SH3PXD2A: variants seen among roughly 807,000 people sequenced by gnomAD.
SH3PXD2A encodes SH3 and PX domain-containing protein 2A.
A neutral mutation model predicts 115.2 loss-of-function variants in SH3PXD2A; 32 were observed. The observed-to-expected ratio is 0.28, with a 90% CI of 0.21 to 0.37. SH3PXD2A has a LOEUF of 0.37. Ranked by LOEUF, SH3PXD2A falls within the 10% of genes least tolerant of loss-of-function variation. The pLI is 1.00. For missense variants in SH3PXD2A, 1,328 were observed against 1,498.7 expected, an observed-to-expected ratio of 0.89 and a Z score of 1.88; for synonymous variants, 610 against 629.1, an observed-to-expected ratio of 0.97 and a Z score of 0.45.
intron 6 of SH3PXD2A, among the ~76,000 whole-genome samples, 188 bp downstream of exon 6, chr10:103,692,840 G>T (rs1051756411): frequency 6.6e-6 from 1 of 152,190 alleles, no homozygotes; most frequent in Non-Finnish European, 1.5e-5. Context: ...TAGGACCAAG[G>T]GTCTCAGGGG....
chr10:103,827,091 G>T (rs1336562192), intron 1 of SH3PXD2A, among the ~76,000 whole-genome samples: 1 of 152,126 alleles, frequency 6.6e-6, no homozygotes, highest in Admixed American at 6.5e-5. Flanking sequence ...CATTGCAGAT[G>T]ACCACATTGA....
chr10:103,792,374 A>C (rs755422843), intron 2 of SH3PXD2A, among the ~76,000 whole-genome samples: 1 of 152,136 alleles, frequency 6.6e-6, no homozygotes, highest in African/African-American at 2.4e-5. Context: ...TGATGTCTAC[A>C]TTAACGGGGC....
intron 9 of SH3PXD2A, among the ~76,000 whole-genome samples, chr10:103,623,265 AGG>A (rs138518910): frequency 7.0e-6 from 1 of 143,400 alleles, no homozygotes; most frequent in Admixed American, 6.7e-5. Flanking sequence ...ATCTGATGAC[AGG>A]GGCCCCCTCC....
chr10:103,661,618 G>A (rs762391459), intron 7 of SH3PXD2A: 281 of 974,868 alleles, frequency 2.9e-4, no homozygotes, highest in Non-Finnish European at 3.4e-4. Flanking sequence ...TCCAGCCTCT[G>A]CCCCCAACCC....
chr10:103,708,590 C>T (rs575207800), intron 5 of SH3PXD2A, among the ~76,000 whole-genome samples: 9 of 152,328 alleles, frequency 5.9e-5, no homozygotes, highest in Admixed American at 1.3e-4. Context: ...CCAGTCCCTG[C>T]GAGATGAAGC....
At chr10:103,642,353 G>T (rs1344491858) in intron 8 of SH3PXD2A, among the ~76,000 whole-genome samples, 1 of 152,166 alleles carries the variant, frequency 6.6e-6, no homozygotes, top group African/African-American at 2.4e-5. Context: ...TTGCTAGACA[G>T]GGGTTAAAGA....
chr10:103,823,839 G>C (rs1196580981), intron 1 of SH3PXD2A, among the ~76,000 whole-genome samples: 4 of 152,218 alleles, frequency 2.6e-5, no homozygotes, highest in African/African-American at 9.6e-5. Context: ...TGAGATGAGG[G>C]AAAGAAGGGC....
intron 3 of SH3PXD2A, among the ~76,000 whole-genome samples, chr10:103,742,048 C>T (rs2038449454): frequency 6.6e-6 from 1 of 152,192 alleles, no homozygotes; most frequent in African/African-American, 2.4e-5. Context: ...ACTCAGGAGG[C>T]TGAGGTAGGG....
chr10:103,771,218 G>A (rs2038815576), intron 2 of SH3PXD2A, among the ~76,000 whole-genome samples: 2 of 152,216 alleles, frequency 1.3e-5, no homozygotes, highest in African/African-American at 4.8e-5. Context: ...TGGGGCTTAA[G>A]GGAGTTAGGC....
chr10:103,784,836 T>G lies in SH3PXD2A; in HGVS notation c.153+16446A>C, dbSNP rs2038966088. On this transcript the variant is annotated intron_variant, in intron 2 of 14. Transcript: ENST00000369774. This position sits in a 1 kb window ranked among gnomAD's most constrained non-coding sequence, Gnocchi z 4.4. ...TGTGGGGAGGGGTCCAGATGGCAGCTGGGTTTGGAACACACTGAGGTGGAG... is the reference window on the plus strand; with the variant it reads ...TGTGGGGAGGGGTCCAGATGGCAGCGGGGTTTGGAACACACTGAGGTGGAG... 6.6e-6 allele frequency among the ~76,000 whole-genome samples: 1 copy of G among 152,098 alleles called. No individual in the cohort carries two copies. Among genetic ancestry groups the G allele is most frequent in the African/African-American group, 2.4e-5 (1 of 41,468 alleles).
chr10:103,769,449 CTT>C (rs33915699), intron 2 of SH3PXD2A, among the ~76,000 whole-genome samples: 2 of 137,412 alleles, frequency 1.5e-5, no homozygotes, highest in African/African-American at 2.7e-5. Flanking sequence ...TCTTCTTCTT[CTT>C]TTTTTTTTTT....
Position 103,835,332 on chromosome 10 carries a change from T to A in SH3PXD2A, c.72+19863A>T, listed in dbSNP as rs75220108. Among the ~76,000 whole-genome samples, 301 of 152,328 alleles carry A rather than the reference T, an allele frequency of 2.0e-3. 9 individuals are homozygous for A. In the East Asian group the frequency reaches 0.053, roughly 27 times the overall value. On this transcript the variant is annotated intron_variant, in intron 1 of 14. Transcript: ENST00000369774. ...CAGCCAGGCAACTCGGGTGGCCCCA[T>A]TGCCTCTGTCTGCCAAGAACTCACA...
chr10:103,703,172 AG>A (rs1269399673), intron 5 of SH3PXD2A, among the ~76,000 whole-genome samples: 1 of 152,130 alleles, frequency 6.6e-6, no homozygotes, highest in Non-Finnish European at 1.5e-5. Flanking sequence ...GAGGACTCGG[AG>A]GGCCCCACAC....
At chr10:103,612,809 AAGG>A in intron 12 of SH3PXD2A, 41 bp downstream of exon 12, 1 of 1,374,184 alleles carries the variant, frequency 7.3e-7, no homozygotes, top group Non-Finnish European at 9.9e-7. Flanking sequence ...CCCATTCTCT[AAGG>A]AGCTTTGCAG....
chr10:103,597,076 T>C lies in SH3PXD2A; in HGVS notation c.*4740A>G, dbSNP rs1310049056. The C allele has an allele frequency of 6.6e-6, 1 of 152,536 alleles. No homozygotes were observed. Among genetic ancestry groups the C allele is most frequent in the African/African-American group, 2.4e-5 (1 of 41,394 alleles). 9.4% of individuals were successfully genotyped at this position (152,536 alleles called of 1,614,324 possible). On this transcript the variant is annotated 3_prime_UTR_variant, in exon 15 of 15. Coordinates refer to ENST00000369774, the MANE Select transcript of SH3PXD2A (RefSeq NM_001394015.1). ...TGGGAAGTTTTGTCTGCAGAGAAAC[T>C]TGAATAGACCCCCCGACTCTTCCCG...
intron 5 of SH3PXD2A, among the ~76,000 whole-genome samples, chr10:103,700,646 T>A (rs981956684): frequency 6.6e-6 from 1 of 152,122 alleles, no homozygotes; most frequent in East Asian, 1.9e-4. Context: ...ATGGCAGGAA[T>A]ACACAGTTGA....
At chr10:103,825,575 A>G (rs1339825448) in intron 1 of SH3PXD2A, among the ~76,000 whole-genome samples, 1 of 152,106 alleles carries the variant, frequency 6.6e-6, no homozygotes, top group Non-Finnish European at 1.5e-5. Flanking sequence ...TCACCTGTAA[A>G]TGTGAACAGG....
At chr10:103,687,901 G>A (rs752891665) in intron 6 of SH3PXD2A, among the ~76,000 whole-genome samples, 14 of 152,082 alleles carry the variant, frequency 9.2e-5, no homozygotes, top group Non-Finnish European at 1.2e-4. Flanking sequence ...AGCACACACC[G>A]TCACCCCAGG....
At chr10:103,789,739 A>AGGAGGAAGGAGGT (rs147839551) in intron 2 of SH3PXD2A, among the ~76,000 whole-genome samples, 8,263 of 152,216 alleles carry the variant, frequency 0.054, 277 homozygotes, top group South Asian at 0.096. Context: ...CTAGGAGCAG[A>AGGAGGAAGGAGGT]GGAGGAAGGA....
Sources: allele counts gnomAD v4.1 joint callset (sites outside exome capture counted in the v4.1 genomes callset), GRCh38; gene constraint gnomAD v4.1.1; non-coding constraint Gnocchi (gnomAD v3.1); transcripts MANE v1.5; gene names NCBI Gene and HGNC (gene_info 2026-07-23, HGNC 2026-07-21).